TMEM191B: variants seen among roughly 807,000 people sequenced by gnomAD.
TMEM191B encodes transmembrane protein 191B.
TMEM191B carries 8 observed loss-of-function variants against 26.6 expected under a neutral mutation model. The ratio of observed to expected loss-of-function variants is 0.30; its 90% CI spans 0.18 to 0.54. The LOEUF (loss-of-function observed/expected upper bound fraction) is 0.54. Among genes scored for constraint, TMEM191B ranks in the 20% least tolerant of loss-of-function variants. The probability of loss-of-function intolerance (pLI) is 0.94; values close to 1 mark genes in which losing one functional copy is unlikely to be tolerated. For synonymous variants in TMEM191B, 29 were observed against 113.7 expected (o/e 0.26, Z 4.74); for missense variants, 64 against 241.2 (o/e 0.27, Z 4.87).
Position 18,527,854 on chromosome 22 carries a change from C to T in TMEM191B, c.-127C>T. The T allele has an allele frequency of 8.5e-6, 1 of 117,892 alleles. No individual in the cohort carries two copies. The highest frequency in any genetic ancestry group is 2.0e-4 in the African/African-American group (1 of 5,028). The allele number at this position is 117,892 out of a possible 1,614,324, so 7.3% of individuals were successfully genotyped here. A position where few individuals can be genotyped will look rare whatever the true frequency, so the allele number is the denominator to read the frequency against. Reference sequence around the variant, plus strand: ...GTGGGGGAACCAATCTTCAACTTGCCTGCATTTGGTATTAGTATTTTATTA... The same window carrying T: ...GTGGGGGAACCAATCTTCAACTTGCTTGCATTTGGTATTAGTATTTTATTA... On this transcript the variant is annotated 5_prime_UTR_variant, in exon 1 of 9. Transcript: ENST00000612978.
At position 18,528,930 on chromosome 22, in the gene TMEM191B, C is replaced by T. The variant is rs1283210652; in HGVS notation, c.471+63C>T. ...CTCTCGGAAGTCCTGCCCTTGTCCTCGCCCTTGTTGTCTCCCCGTCCCTGT... is the reference window on the plus strand; with the variant it reads ...CTCTCGGAAGTCCTGCCCTTGTCCTTGCCCTTGTTGTCTCCCCGTCCCTGT... On this transcript the variant is annotated intron_variant, in intron 3 of 8. Coordinates refer to ENST00000612978, the MANE Select transcript of TMEM191B (RefSeq NM_001242313.1). 3.3e-6 allele frequency: 2 copies of T among 607,776 alleles called. 1 individual carries two copies. Among genetic ancestry groups the T allele is most frequent in the East Asian group, 1.2e-4 (2 of 16,190 alleles). 37.6% of individuals were successfully genotyped at this position (607,776 alleles called of 1,614,324 possible). A position where few individuals can be genotyped will look rare whatever the true frequency, so the allele number is the denominator to read the frequency against.
At chr22:18,529,149 G>A (rs1235008655) in intron 4 of TMEM191B, 56 bp downstream of exon 4, 23 of 923,726 alleles carry the variant, frequency 2.5e-5, no homozygotes, top group East Asian at 5.5e-5. Context: ...GCGTGAGCGG[G>A]GCCGTGACCA....
chr22:18,528,412 G>A, intron 1 of TMEM191B, 136 bp downstream of exon 1: 2 of 1,243,584 alleles, frequency 1.6e-6, no homozygotes, highest in Non-Finnish European at 1.1e-6. Flanking sequence ...TTGGGAACGG[G>A]TGATCCACCC....
chr22:18,530,281 TGCTGCTGAC>T lies in TMEM191B; in HGVS notation c.869_877del (p.Leu290_Leu292del), dbSNP rs1229653149. ...CGGTGCGTGCTGGGCGCGCTGCAGG[TGCTGCTGAC>T]GCTGCCGCTCCTCTTCCTGGGGCTG... On this transcript the variant is annotated inframe_deletion, in exon 9 of 9. Transcript: ENST00000612978. 3.4e-6 allele frequency: 2 copies of T among 584,042 alleles called. No homozygotes were observed. Among genetic ancestry groups the T allele is most frequent in the African/African-American group, 6.3e-5 (2 of 31,808 alleles). 36.2% of individuals were successfully genotyped at this position (584,042 alleles called of 1,614,324 possible).
rs376605814 is a variant in TMEM191B, at chr22:18,528,968, T to C, written c.472-51T>C. On this transcript the variant is annotated intron_variant, in intron 3 of 8. Transcript: ENST00000612978. ...TCCCCGTCCCTGTCTCCCCTGACAC[T>C]CGTTCCTCCAGAAGCCCGGTAAACC... 4,075 of 565,360 alleles carry C rather than the reference T, an allele frequency of 7.2e-3. 770 individuals carry two copies. In the African/African-American group the frequency reaches 0.13, roughly 18 times the overall value. The allele number at this position is 565,360 out of a possible 1,614,324, so 35.0% of individuals were successfully genotyped here.
At chr22:18,529,152 C>G in intron 4 of TMEM191B, 59 bp downstream of exon 4, 1 of 925,996 alleles carries the variant, frequency 1.1e-6, no homozygotes, top group East Asian at 2.8e-5. Context: ...TGAGCGGGGC[C>G]GTGACCACCT....
At position 18,530,297 on chromosome 22, in the gene TMEM191B, GCTC is replaced by G; in HGVS notation, c.883_885del (p.Leu295del). The G allele has an allele frequency of 1.6e-6, 1 of 610,536 alleles. No individual in the cohort carries two copies. 37.8% of individuals were successfully genotyped at this position (610,536 alleles called of 1,614,324 possible). On this transcript the variant is annotated inframe_deletion, in exon 9 of 9. Coordinates refer to ENST00000612978, the MANE Select transcript of TMEM191B (RefSeq NM_001242313.1). Reference sequence around the variant, plus strand: ...CGCTGCAGGTGCTGCTGACGCTGCCGCTCCTCTTCCTGGGGCTGTCGCTGCTCT... The same window carrying G: ...CGCTGCAGGTGCTGCTGACGCTGCCGCTCTTCCTGGGGCTGTCGCTGCTCT...
chr22:18,529,147 G>T (rs1306468917), intron 4 of TMEM191B, 54 bp downstream of exon 4: 2 of 924,212 alleles, frequency 2.2e-6, no homozygotes, highest in Non-Finnish European at 3.2e-6. Context: ...CAGCGTGAGC[G>T]GGGCCGTGAC....
Position 18,529,019 on chromosome 22 carries a change from C to A in TMEM191B, c.472C>A (p.Leu158Ile). Reference protein sequence around the residue: ...QEQWEELSSQLFYGGEPQSQK... With the variant: ...QEQWEELSSQIFYGGEPQSQK... ...CCGCCCTTACAAGCCCCGCCCCTAG[C>A]TCTTCTACGGAGGGGAACCGCAGAG... The change falls in exon 4 of 9, where the codon CTC becomes ATC. Residue 158 changes from leucine (L) to isoleucine (I), a missense_variant and splice_region_variant. By Grantham distance (5) the Leu-to-Ile change is conservative (BLOSUM62 2). Around this residue, in one of 5 missense-constraint regions of TMEM191B, gnomAD observed 26 missense variants for 127.1 expected, o/e 0.20. Coordinates refer to ENST00000612978, the MANE Select transcript of TMEM191B (RefSeq NM_001242313.1). The A allele has an allele frequency of 3.5e-6, 1 of 282,820 alleles. No homozygotes were observed. Among genetic ancestry groups the A allele is most frequent in the Non-Finnish European group, 4.8e-6 (1 of 207,156 alleles). The allele number at this position is 282,820 out of a possible 1,614,324, so 17.5% of individuals were successfully genotyped here.
Position 18,528,671 on chromosome 22 carries a change from A to C in TMEM191B, c.409A>C (p.Lys137Gln). 1.4e-6 allele frequency: 2 copies of C among 1,449,552 alleles called. No homozygotes were observed. The highest frequency in any genetic ancestry group is 1.8e-6 in the Non-Finnish European group (2 of 1,110,654). 89.8% of individuals were successfully genotyped at this position (1,449,552 alleles called of 1,614,324 possible). A position where few individuals can be genotyped will look rare whatever the true frequency, so the allele number is the denominator to read the frequency against. Residue 137 changes from lysine to glutamine, a missense_variant, in exon 2 of 9, where the codon AAG becomes CAG. This residue lies in a region of TMEM191B where 16 missense variants were observed against 18.1 expected (regional missense o/e 0.88). Transcript: ENST00000612978. Reference protein sequence around the residue: ...RRRLEEAERHKEDLEQHSRQL... With the variant: ...RRRLEEAERHQEDLEQHSRQL... ...AAGACTGGAGGAGGCGGAGCGCCACAAGGAGGACTTGGTGAGGAAGAGTCC... is the reference window on the plus strand; with the variant it reads ...AAGACTGGAGGAGGCGGAGCGCCACCAGGAGGACTTGGTGAGGAAGAGTCC...
At position 18,528,687 on chromosome 22, in the gene TMEM191B, G is replaced by A. The variant is rs1568920235; in HGVS notation, c.420+5G>A. On this transcript the variant is annotated splice_donor_5th_base_variant and intron_variant, in intron 2 of 8. Transcript: ENST00000612978. ...GAGCGCCACAAGGAGGACTTGGTGA[G>A]GAAGAGTCCTAGAATGGGGCTGGAC... The A allele has an allele frequency of 2.8e-6, 4 of 1,447,832 alleles. No homozygotes were observed. The highest frequency in any genetic ancestry group is 2.7e-5 in the South Asian group (2 of 75,052). The allele number at this position is 1,447,832 out of a possible 1,614,324, so 89.7% of individuals were successfully genotyped here. A position where few individuals can be genotyped will look rare whatever the true frequency, so the allele number is the denominator to read the frequency against.
chr22:18,528,603 A>T lies in TMEM191B; in HGVS notation c.341A>T (p.Glu114Val), dbSNP rs1296898071. ...CAGGCAGCGCAGCCTCTGCAAGGGG[A>T]GGCGCGCGAGGCGGCGCGGGAGCGC... ...RSQAAQPLQG[E>V]AREAARERAE... Residue 114 changes from glutamate (E) to valine (V), a missense_variant, in exon 2 of 9, where the codon GAG becomes GTG. Physicochemically the swap from Glu to Val is moderately radical, Grantham distance 121 (BLOSUM62 -2). Around this residue, in one of 5 missense-constraint regions of TMEM191B, gnomAD observed 16 missense variants for 50.5 expected, o/e 0.32. Transcript: ENST00000612978. The T allele has an allele frequency of 1.2e-5, 16 of 1,329,554 alleles. No individual in the cohort carries two copies. In the East Asian group the frequency reaches 4.1e-4, roughly 34 times the overall value. The allele number at this position is 1,329,554 out of a possible 1,614,324, so 82.4% of individuals were successfully genotyped here. A position where few individuals can be genotyped will look rare whatever the true frequency, so the allele number is the denominator to read the frequency against.
Position 18,528,754 on chromosome 22 carries a change from C to T in TMEM191B, c.421-63C>T, listed in dbSNP as rs1333744726. The T allele has an allele frequency of 1.4e-4, 23 of 161,090 alleles. No homozygotes were observed. In the African/African-American group the frequency reaches 2.5e-3, roughly 18 times the overall value. The allele number at this position is 161,090 out of a possible 1,614,324, so 10.0% of individuals were successfully genotyped here. Reference sequence around the variant, plus strand: ...CAGGGCGGGCGGAAGGGGGCGGGATCCGGGGGTGGGGTGAGGTAGGACCGG... The same window carrying T: ...CAGGGCGGGCGGAAGGGGGCGGGATTCGGGGGTGGGGTGAGGTAGGACCGG... On this transcript the variant is annotated intron_variant, in intron 2 of 8. Coordinates refer to ENST00000612978, the MANE Select transcript of TMEM191B (RefSeq NM_001242313.1).
chr22:18,529,237 G>A, intron 4 of TMEM191B, 144 bp downstream of exon 4: 2 of 845,916 alleles, frequency 2.4e-6, no homozygotes, highest in Non-Finnish European at 3.5e-6. Flanking sequence ...TCGCATGGGG[G>A]CGGGGCTCTG....
Position 18,529,600 on chromosome 22 carries a change from AC to A in TMEM191B, c.604-3del. The A allele has an allele frequency of 2.2e-6, 1 of 450,232 alleles. No individual in the cohort carries two copies. Among genetic ancestry groups the A allele is most frequent in the African/African-American group, 4.3e-5 (1 of 23,148 alleles). The allele number at this position is 450,232 out of a possible 1,614,324, so 27.9% of individuals were successfully genotyped here. ...CGCCGAGTCTAACCCGGGTGTCCAC[AC>A]CCAGGACGCGCTGCAGACAGCGGAG... On this transcript the variant is annotated splice_region_variant and splice_polypyrimidine_tract_variant and intron_variant, in intron 5 of 8. Transcript: ENST00000612978.
chr22:18,529,198 G>T, intron 4 of TMEM191B, 105 bp downstream of exon 4: 2 of 1,043,302 alleles, frequency 1.9e-6, no homozygotes, highest in Non-Finnish European at 2.7e-6. Context: ...GAAGGCGTGG[G>T]CGGGGCGGGG....
In TMEM191B at chr22:18,528,606, C is replaced by T. The variant is rs1225542953; in HGVS notation, c.344C>T (p.Ala115Val). The T allele has an allele frequency of 1.9e-5, 25 of 1,348,112 alleles. No individual in the cohort carries two copies. Among genetic ancestry groups the T allele is most frequent in the Admixed American group, 1.0e-4 (4 of 38,096 alleles). The allele number at this position is 1,348,112 out of a possible 1,614,324, so 83.5% of individuals were successfully genotyped here. ...SQAAQPLQGEAREAARERAER... is the reference protein window; with the variant it reads ...SQAAQPLQGEVREAARERAER... The stretch of plus-strand genomic sequence containing the variant: ...GCAGCGCAGCCTCTGCAAGGGGAGG[C>T]GCGCGAGGCGGCGCGGGAGCGCGCG... The change falls in exon 2 of 9, where the codon GCG becomes GTG. Residue 115 changes from alanine to valine, a missense_variant. Ala to Val is a moderately conservative substitution (Grantham distance 64). Transcript: ENST00000612978.
rs747224171 is a variant in TMEM191B at position 18,528,587 on chromosome 22, C to A, written c.325C>A (p.Gln109Lys). The A allele has an allele frequency of 4.2e-6, 6 of 1,426,256 alleles. No individual in the cohort carries two copies. The South Asian group carries it at 5.4e-5, about 13-fold the overall frequency. The allele number at this position is 1,426,256 out of a possible 1,614,324, so 88.4% of individuals were successfully genotyped here. A position where few individuals can be genotyped will look rare whatever the true frequency, so the allele number is the denominator to read the frequency against. ...SLLRRRSQAA[Q>K]PLQGEAREAA... ...GCTGCGGAGGCGAAGCCAGGCAGCG[C>A]AGCCTCTGCAAGGGGAGGCGCGCGA... The change falls in exon 2 of 9, where the codon CAG becomes AAG. Residue 109 changes from glutamine to lysine, a missense_variant. Physicochemically the swap from Gln to Lys is moderately conservative, Grantham distance 53. Around this residue, in one of 5 missense-constraint regions of TMEM191B, gnomAD observed 16 missense variants for 50.5 expected, o/e 0.32. Coordinates refer to ENST00000612978, the MANE Select transcript of TMEM191B (RefSeq NM_001242313.1).
chr22:18,529,183 G>T (rs1932838102), intron 4 of TMEM191B, 90 bp downstream of exon 4: 8 of 973,456 alleles, frequency 8.2e-6, no homozygotes, highest in African/African-American at 1.8e-5. Flanking sequence ...CTTAAGGCAG[G>T]CCCTGAAGGC....
Sources: allele counts gnomAD v4.1 joint callset, GRCh38; gene constraint gnomAD v4.1.1; regional missense constraint gnomAD v4.1.1; transcripts MANE v1.5; gene names NCBI Gene and HGNC (gene_info 2026-07-23, HGNC 2026-07-21).